Variants in KNL1 observed in about 807,000 individuals in gnomAD.
KNL1 encodes the protein kinetochore scaffold 1, also known as outer kinetochore KNL1 complex subunit KNL1.
KNL1 carries 66 observed loss-of-function variants against 201.3 expected under a neutral mutation model. The ratio of observed to expected loss-of-function variants is 0.33; its 90% CI spans 0.27 to 0.40. KNL1 has a LOEUF of 0.40. KNL1 is among the 10% of genes least tolerant of loss of function. The pLI is 1.00. For synonymous variants in KNL1, 895 were observed against 899.2 expected (o/e 1.00, Z 0.08); for missense variants, 2,815 against 2,690.5 (o/e 1.05, Z -1.02).
rs986318355 is a variant in KNL1, at chr15:40,621,533, A to T, written c.1269A>T (p.Gln423His). ...PESIYSNPSI[Q>H]GCKTVFYSSC... ...CTATATATTCTAATCCATCTATTCA[A>T]GGTTGTAAGACTGTTTTCTATTCTA... Residue 423 changes from glutamine (Q) to histidine (H), a missense_variant, in exon 10 of 26, where the codon CAA becomes CAT. This residue lies in a region of KNL1 where 2,464 missense variants were observed against 2,291.7 expected (regional missense o/e 1.08). Transcript: ENST00000399668. The T allele has an allele frequency of 6.2e-7, 1 of 1,612,752 alleles. No homozygotes were observed. The highest frequency in any genetic ancestry group is 1.3e-5 in the African/African-American group (1 of 74,846).
intron 1 of KNL1, among the ~76,000 whole-genome samples, chr15:40,599,626 G>C (rs993129428): frequency 6.6e-6 from 1 of 151,856 alleles, no homozygotes; most frequent in Non-Finnish European, 1.5e-5. Flanking sequence ...CAAGTGATCA[G>C]CCTGCCTCGG....
At chr15:40,651,406 T>C in intron 19 of KNL1, 65 bp from the exon 20 acceptor site, 3 of 1,063,366 alleles carry the variant, frequency 2.8e-6, no homozygotes, top group Non-Finnish European at 4.1e-6. Context: ...ATAAACCTTT[T>C]ATATTGATAG....
chr15:40,605,554 C>T (rs1256274877), intron 3 of KNL1, among the ~76,000 whole-genome samples: 1 of 152,018 alleles, frequency 6.6e-6, no homozygotes, highest in African/African-American at 2.4e-5. Flanking sequence ...TGGGTTCAAG[C>T]GATTCTCGTG....
chr15:40,622,697 T>A lies in KNL1; in HGVS notation c.2433T>A (p.Ser811Arg). ...IAVKVEKCGKSPIEKSGVLKS... is the reference protein window; with the variant it reads ...IAVKVEKCGKRPIEKSGVLKS... ...TAAAAGTTGAAAAATGTGGTAAAAGTCCCATAGAAAAAAGTGGAGTGCTTA... is the reference window on the plus strand; with the variant it reads ...TAAAAGTTGAAAAATGTGGTAAAAGACCCATAGAAAAAAGTGGAGTGCTTA... The change falls in exon 10 of 26, where the codon AGT becomes AGA. Residue 811 changes from serine to arginine, a missense_variant. Around this residue, in one of 3 missense-constraint regions of KNL1, gnomAD observed 2,464 missense variants for 2,291.7 expected, o/e 1.08. Coordinates refer to ENST00000399668, the MANE Select transcript of KNL1 (RefSeq NM_144508.5). The A allele has an allele frequency of 6.3e-7, 1 of 1,590,530 alleles. No homozygotes were observed. The highest frequency in any genetic ancestry group is 8.5e-7 in the Non-Finnish European group (1 of 1,171,392).
In KNL1 at chr15:40,657,078, A is replaced by G. The variant is rs1893756613; in HGVS notation, c.6521A>G (p.Lys2174Arg). ...QAPPSSLLVH[K>R]LIFQYVEEKE... Reference sequence around the variant, plus strand: ...CCTCCTTCCTCCCTTTTAGTTCATAAGCTTATTTTCCAGTACGTTGAAGAA... The same window carrying G: ...CCTCCTTCCTCCCTTTTAGTTCATAGGCTTATTTTCCAGTACGTTGAAGAA... The change falls in exon 23 of 26, where the codon AAG becomes AGG. Residue 2174 changes from lysine to arginine, a missense_variant. Lys to Arg is a conservative substitution (Grantham distance 26). Around this residue, in one of 3 missense-constraint regions of KNL1, gnomAD observed 334 missense variants for 362.6 expected, o/e 0.92. Coordinates refer to ENST00000399668, the MANE Select transcript of KNL1 (RefSeq NM_144508.5). 2 of 1,604,324 alleles carry G rather than the reference A, an allele frequency of 1.2e-6. No homozygotes were observed. The highest frequency in any genetic ancestry group is 1.7e-6 in the Non-Finnish European group (2 of 1,175,218).
intron 18 of KNL1, 54 bp downstream of exon 18, chr15:40,650,432 G>A (rs368807569): frequency 7.0e-6 from 11 of 1,570,760 alleles, no homozygotes; most frequent in Non-Finnish European, 9.6e-6. Flanking sequence ...CTTCTGTTCT[G>A]AGTTTGTTTA....
Position 40,621,211 on chromosome 15 carries a change from A to G in KNL1, c.947A>G (p.Asn316Ser), listed in dbSNP as rs755787695. 14 of 1,611,974 alleles carry G rather than the reference A, an allele frequency of 8.7e-6. No homozygotes were observed. Among genetic ancestry groups the G allele is most frequent in the South Asian group, 5.5e-5 (5 of 90,918 alleles). ...SKGNDITIYG[N>S]DFMDLTFNHT... ...GGTAATGATATTACAATTTATGGCA[A>G]TGACTTTATGGACTTGACATTTAAC... The change falls in exon 10 of 26, where the codon AAT becomes AGT. Residue 316 changes from asparagine to serine, a missense_variant. Physicochemically the swap from Asn to Ser is conservative, Grantham distance 46. Around this residue, in one of 3 missense-constraint regions of KNL1, gnomAD observed 2,464 missense variants for 2,291.7 expected, o/e 1.08. Transcript: ENST00000399668.
chr15:40,601,374 C>A (rs1387466151), intron 1 of KNL1, among the ~76,000 whole-genome samples: 1 of 152,164 alleles, frequency 6.6e-6, no homozygotes, highest in African/African-American at 2.4e-5. Flanking sequence ...TAATTGATGT[C>A]CACTTTGGGA....
intron 16 of KNL1, 92 bp from the exon 17 acceptor site, chr15:40,646,895 A>T: frequency 7.6e-6 from 4 of 529,392 alleles, no homozygotes; most frequent in Non-Finnish European, 1.1e-5. Flanking sequence ...CCTGTTTGTG[A>T]TCATGATAGA....
intron 13 of KNL1, among the ~76,000 whole-genome samples, chr15:40,630,426 A>G (rs1282477545): frequency 6.6e-6 from 1 of 152,228 alleles, no homozygotes; most frequent in Admixed American, 6.5e-5. Context: ...ATTCTTAGAA[A>G]TTAAGAAACA....
rs1242542279 is a variant in KNL1 at position 40,624,820 on chromosome 15, C to T, written c.4556C>T (p.Ala1519Val). ...ATTCAAACAACTAACTATAATACAG[C>T]TCTAGATTTCCACAGTAACTCAGAC... ...ENIQTTNYNT[A>V]LDFHSNSDVT... The change falls in exon 10 of 26, where the codon GCT becomes GTT. Residue 1519 changes from alanine (A) to valine (V), a missense_variant. Ala to Val is a moderately conservative substitution (Grantham distance 64). Transcript: ENST00000399668. The T allele has an allele frequency of 6.2e-7, 1 of 1,613,244 alleles. No homozygotes were observed. Among genetic ancestry groups the T allele is most frequent in the East Asian group, 2.2e-5 (1 of 44,872 alleles).
intron 7 of KNL1, among the ~76,000 whole-genome samples, chr15:40,612,870 C>T (rs1892216899): frequency 6.6e-6 from 1 of 152,106 alleles, no homozygotes; most frequent in Non-Finnish European, 1.5e-5. Context: ...AAAAGTCACT[C>T]CGTGCTAGTG....
At chr15:40,640,849 A>T in intron 13 of KNL1, 63 bp from the exon 14 acceptor site, 2 of 966,410 alleles carry the variant, frequency 2.1e-6, no homozygotes, top group Non-Finnish European at 3.2e-6. Flanking sequence ...AATTTGAGTT[A>T]ATTCTTATAT....
chr15:40,623,455 G>C lies in KNL1; in HGVS notation c.3191G>C (p.Arg1064Thr). The change falls in exon 10 of 26, where the codon AGA becomes ACA. Residue 1064 changes from arginine (R) to threonine (T), a missense_variant. By Grantham distance (71) the Arg-to-Thr change is moderately conservative (BLOSUM62 -1). Coordinates refer to ENST00000399668, the MANE Select transcript of KNL1 (RefSeq NM_144508.5). ...LNEPLSSKSQ[R>T]RKSLKLKNDK... is the part of the protein sequence containing the mutation. ...GAACCTCTATCAAGCAAAAGTCAGAGAAGAAAAAGCCTTAAGCTAAAAAAT... is the reference window on the plus strand; with the variant it reads ...GAACCTCTATCAAGCAAAAGTCAGACAAGAAAAAGCCTTAAGCTAAAAAAT... The C allele has an allele frequency of 6.2e-7, 1 of 1,611,210 alleles. No homozygotes were observed. The highest frequency in any genetic ancestry group is 1.1e-5 in the South Asian group (1 of 90,772).
rs200222327 is a variant in KNL1 at position 40,623,837 on chromosome 15, A to C, written c.3573A>C (p.Ile1191=). 2 of 1,613,348 alleles carry C rather than the reference A, an allele frequency of 1.2e-6. No individual in the cohort carries two copies. Among genetic ancestry groups the C allele is most frequent in the African/African-American group, 2.7e-5 (2 of 74,834 alleles). The change falls in exon 10 of 26, where the codon ATA becomes ATC. Residue 1191 remains isoleucine, a synonymous_variant. Coordinates refer to ENST00000399668, the MANE Select transcript of KNL1 (RefSeq NM_144508.5). Reference sequence around the variant, plus strand: ...TTGAAGAAAACCCTAAATTTGGAATAGGAAAAGGAAAAAACTTGGGTGTTT... The same window carrying C: ...TTGAAGAAAACCCTAAATTTGGAATCGGAAAAGGAAAAAACTTGGGTGTTT... ...KILEENPKFG[I]GKGKNLGVSF...
At chr15:40,644,840 A>G (rs1022262934) in intron 14 of KNL1, among the ~76,000 whole-genome samples, 157 bp from the exon 15 acceptor site, 1 of 152,216 alleles carries the variant, frequency 6.6e-6, no homozygotes. Flanking sequence ...TGGTTGGGGC[A>G]AAGCTACAAA....
At chr15:40,659,702 G>A (rs1016209151) in intron 25 of KNL1, among the ~76,000 whole-genome samples, 4 of 151,786 alleles carry the variant, frequency 2.6e-5, no homozygotes, top group Non-Finnish European at 4.4e-5. Context: ...CCATGGTCTC[G>A]ATCTCCTGAC....
intron 21 of KNL1, 147 bp downstream of exon 21, chr15:40,652,252 C>G: frequency 2.3e-6 from 1 of 427,930 alleles, no homozygotes; most frequent in Non-Finnish European, 4.1e-6. Context: ...TTATTGATAG[C>G]AGAATTTTAT....
intron 2 of KNL1, 70 bp downstream of exon 2, chr15:40,603,036 C>T: frequency 1.0e-6 from 1 of 990,074 alleles, no homozygotes; most frequent in Non-Finnish European, 1.5e-6. Flanking sequence ...ATTAGTAAGA[C>T]CTATCCATAA....
Sources: allele counts gnomAD v4.1 joint callset (sites outside exome capture counted in the v4.1 genomes callset), GRCh38; gene constraint gnomAD v4.1.1; regional missense constraint gnomAD v4.1.1; transcripts MANE v1.5; gene names NCBI Gene and HGNC (gene_info 2026-07-23, HGNC 2026-07-21).